The following NAPB variants were observed in gnomAD, a reference collection of about 807,000 sequenced individuals.
NAPB encodes the protein beta-soluble NSF attachment protein.
Under a neutral mutation model 44.7 loss-of-function variants are expected in NAPB, and 26 were observed. That is an observed-to-expected ratio of 0.58 (90% CI 0.43 to 0.81). The LOEUF is 0.81. Among genes scored for constraint, NAPB ranks in the 30% least tolerant of loss-of-function variants. The pLI is 0.00. For missense variants in NAPB, 315 were observed against 356.4 expected (o/e 0.88, Z 0.94); for synonymous variants, 120 against 116.8 (o/e 1.03, Z -0.18).
intron 1 of NAPB, among the ~76,000 whole-genome samples, chr20:23,413,046 A>G (rs1426685092): frequency 6.6e-6 from 1 of 152,126 alleles, no homozygotes; most frequent in Non-Finnish European, 1.5e-5. Context: ...CTATGATCCC[A>G]GCACTCTTTG....
In NAPB at chr20:23,421,175, G is replaced by A. The variant is rs972035385; in HGVS notation, c.98+130C>T. On this transcript the variant is annotated intron_variant, in intron 1 of 10. Transcript: ENST00000377026. ...ACAGGATTTCTGGAGGGCGCCTGCA[G>A]GCTGAGGGCCCCTAGACGTGGTCTG... is the stretch of plus-strand genomic sequence containing the variant. 3.6e-5 allele frequency: 25 copies of A among 700,186 alleles called. No homozygotes were observed. In the Admixed American group the frequency reaches 4.6e-4, roughly 13 times the overall value. 43.4% of individuals were successfully genotyped at this position (700,186 alleles called of 1,614,324 possible). A position where few individuals can be genotyped will look rare whatever the true frequency, so the allele number is the denominator to read the frequency against.
At chr20:23,385,916 T>C (rs1158764454) in intron 7 of NAPB, among the ~76,000 whole-genome samples, 1 of 152,034 alleles carries the variant, frequency 6.6e-6, no homozygotes, top group Non-Finnish European at 1.5e-5. Context: ...AGATAGACCA[T>C]ATCTAGGCCA....
At chr20:23,385,177 T>C (rs1198596040) in intron 7 of NAPB, among the ~76,000 whole-genome samples, 1 of 151,760 alleles carries the variant, frequency 6.6e-6, no homozygotes, top group Non-Finnish European at 1.5e-5. Flanking sequence ...TCAGTTATAA[T>C]GATATAGACA....
chr20:23,380,689 A>T (rs1982928750), intron 8 of NAPB: 1 of 153,172 alleles, frequency 6.5e-6, no homozygotes, highest in Non-Finnish European at 1.5e-5. Context: ...CACCCAGCTA[A>T]TTTTTTTATA....
intron 10 of NAPB, among the ~76,000 whole-genome samples, chr20:23,378,332 T>C (rs905077117): frequency 2.7e-5 from 4 of 150,604 alleles, no homozygotes; most frequent in Admixed American, 2.6e-4. Flanking sequence ...TCAAAATATA[T>C]AAAAACATTT....
rs1600552919 is a variant in NAPB at position 23,377,221 on chromosome 20, A to AC, written c.*154dup. On this transcript the variant is annotated 3_prime_UTR_variant, in exon 11 of 11. Coordinates refer to ENST00000377026, the MANE Select transcript of NAPB (RefSeq NM_022080.3). ...CAGGAGCCTCTCCTTCATTCATTTC[A>AC]CAGCAACACAGACTTGGCGAGCTTA... 5 of 411,670 alleles carry AC rather than the reference A, an allele frequency of 1.2e-5. No homozygotes were observed. Among genetic ancestry groups the AC allele is most frequent in the Non-Finnish European group, 2.2e-5 (5 of 228,614 alleles). 25.5% of individuals were successfully genotyped at this position (411,670 alleles called of 1,614,324 possible).
intron 5 of NAPB, among the ~76,000 whole-genome samples, chr20:23,393,709 G>A (rs1251074638): frequency 3.3e-5 from 5 of 152,156 alleles, no homozygotes; most frequent in Admixed American, 3.3e-4. Context: ...AGTTAAGTGA[G>A]GTGTGTGGGG....
intron 7 of NAPB, among the ~76,000 whole-genome samples, chr20:23,387,501 A>G (rs1227318143): frequency 6.6e-6 from 1 of 152,218 alleles, no homozygotes; most frequent in Non-Finnish European, 1.5e-5. Flanking sequence ...AGAAATCCAC[A>G]CAAAAAAACC....
At chr20:23,402,275 T>C (rs1160078120) in intron 2 of NAPB, among the ~76,000 whole-genome samples, 2 of 152,130 alleles carry the variant, frequency 1.3e-5, no homozygotes, top group Admixed American at 1.3e-4. Flanking sequence ...CCTGCTCTGG[T>C]CAACGGTGGT....
At chr20:23,403,595 C>T (rs1985014041) in intron 1 of NAPB, among the ~76,000 whole-genome samples, 2 of 75,640 alleles carry the variant, frequency 2.6e-5, no homozygotes, top group African/African-American at 8.8e-5. Flanking sequence ...AAGAGCAAAA[C>T]TATGTCTCAA....
At chr20:23,390,288 A>T (rs11696147) in intron 5 of NAPB, 24 bp from the exon 6 acceptor site, 34,304 of 1,582,394 alleles carry the variant, frequency 0.022, 452 homozygotes, top group Middle Eastern at 0.043. Context: ...TATTTTATTC[A>T]CACACAATTT....
At chr20:23,382,739 GACA>G (rs1367670455) in intron 7 of NAPB, among the ~76,000 whole-genome samples, 1 of 151,684 alleles carries the variant, frequency 6.6e-6, no homozygotes, top group Non-Finnish European at 1.5e-5. Flanking sequence ...CTAAATGGAA[GACA>G]ACAACAGGAA....
At chr20:23,397,251 A>G in intron 2 of NAPB, 63 bp from the exon 3 acceptor site, 3 of 1,540,774 alleles carry the variant, frequency 1.9e-6, no homozygotes, top group Non-Finnish European at 2.6e-6. Context: ...CCCATGCTGT[A>G]AGCACTGGAC....
intron 7 of NAPB, among the ~76,000 whole-genome samples, chr20:23,383,581 T>C (rs1460913738): frequency 6.6e-6 from 1 of 152,136 alleles, no homozygotes; most frequent in African/African-American, 2.4e-5. Flanking sequence ...CAACTTAGAA[T>C]TATACTCCCA....
intron 7 of NAPB, among the ~76,000 whole-genome samples, chr20:23,384,989 C>T (rs544832909): frequency 2.0e-4 from 30 of 152,068 alleles, no homozygotes; most frequent in African/African-American, 1.4e-4. Context: ...CATGCTGGCA[C>T]GCACCTGTAA....
chr20:23,381,258 G>A lies in NAPB; in HGVS notation c.621C>T (p.Phe207=), dbSNP rs762591432. ...CTATGAAGTGGCAGAGGGCAGCTTT[G>A]AAGAAGTAATCCTTTGCACTGTATT... is the stretch of plus-strand genomic sequence containing the variant. The part of the protein sequence containing the change: ...LLKYSAKDYF[F]KAALCHFIVD... Residue 207 remains phenylalanine (F), a synonymous_variant, in exon 8 of 11, where the codon TTC becomes TTT. Coordinates refer to ENST00000377026, the MANE Select transcript of NAPB (RefSeq NM_022080.3). 1.9e-6 allele frequency: 3 copies of A among 1,613,200 alleles called. No homozygotes were observed. Among genetic ancestry groups the A allele is most frequent in the South Asian group, 2.2e-5 (2 of 90,920 alleles).
intron 1 of NAPB, among the ~76,000 whole-genome samples, chr20:23,417,875 C>T (rs1350964952): frequency 6.6e-6 from 1 of 151,994 alleles, no homozygotes; most frequent in Non-Finnish European, 1.5e-5. Flanking sequence ...TTGTGCCTTA[C>T]ACAGAGAAGA....
chr20:23,387,604 A>T (rs893026882), intron 7 of NAPB, among the ~76,000 whole-genome samples: 19 of 152,234 alleles, frequency 1.2e-4, no homozygotes, highest in African/African-American at 4.1e-4. Context: ...TAACAATCTT[A>T]AAAGGAAATT....
chr20:23,379,607 A>AATACTCAT (rs1299513822), intron 9 of NAPB, 112 bp from the exon 10 acceptor site: 2 of 833,098 alleles, frequency 2.4e-6, no homozygotes, highest in African/African-American at 3.5e-5. Flanking sequence ...AAACTGAGGA[A>AATACTCAT]ATACTCATAT....
Sources: gnomAD v4.1 joint callset for allele counts (sites outside exome capture counted in the v4.1 genomes callset) on GRCh38, gnomAD v4.1.1 for gene constraint, MANE v1.5 for transcripts, NCBI Gene and HGNC (gene_info 2026-07-23, HGNC 2026-07-21) for gene names.